The following ADAMTS12 variants were observed in gnomAD, a reference collection of about 807,000 sequenced individuals.
The protein encoded by ADAMTS12 is A disintegrin and metalloproteinase with thrombospondin motifs 12.
Under a neutral mutation model 167.8 loss-of-function variants are expected in ADAMTS12, and 118 were observed. The ratio of observed to expected loss-of-function variants is 0.70; its 90% CI spans 0.61 to 0.82. ADAMTS12 has a LOEUF of 0.82. Ranked by LOEUF, ADAMTS12 falls within the 40% of genes least tolerant of loss-of-function variation. The pLI is 0.00. For missense variants in ADAMTS12, 1,916 were observed against 1,998.8 expected, an observed-to-expected ratio of 0.96 and a Z score of 0.79; for synonymous variants, 704 against 716.9, an observed-to-expected ratio of 0.98 and a Z score of 0.29.
At chr5:33,806,959 G>C (rs1032693369) in intron 2 of ADAMTS12, among the ~76,000 whole-genome samples, 1 of 152,098 alleles carries the variant, frequency 6.6e-6, no homozygotes, top group Admixed American at 6.6e-5. Flanking sequence ...CTGCCTCTAC[G>C]ATAGGTTAAA....
intron 20 of ADAMTS12, among the ~76,000 whole-genome samples, chr5:33,553,550 C>A (rs1003601398): frequency 6.6e-6 from 1 of 152,182 alleles, no homozygotes; most frequent in African/African-American, 2.4e-5. Flanking sequence ...AGAATGAGAT[C>A]ATGTCCTTTG....
chr5:33,546,300 G>A (rs1744981390), intron 21 of ADAMTS12, 98 bp from the exon 22 acceptor site: 1 of 1,151,268 alleles, frequency 8.7e-7, no homozygotes. Flanking sequence ...TATGTACAGT[G>A]TTACTAGGAA....
chr5:33,548,943 C>G (rs1745115951), intron 21 of ADAMTS12, among the ~76,000 whole-genome samples: 1 of 152,200 alleles, frequency 6.6e-6, no homozygotes, highest in Admixed American at 6.5e-5. Flanking sequence ...CCCAGTATAT[C>G]CATTGGGAGA....
rs1249249863 is a variant in ADAMTS12, at chr5:33,637,709, T to C, written c.1756A>G (p.Lys586Glu). Reference sequence around the variant, plus strand: ...TGGACGTTGCACAAGCGATAGCGTTTTCTTTCTCCAGTGCAATATTTCCCT... The same window carrying C: ...TGGACGTTGCACAAGCGATAGCGTTCTCTTTCTCCAGTGCAATATTTCCCT... ...FGGKYCTGER[K>E]RYRLCNVHPC... Residue 586 changes from lysine to glutamate, a missense_variant, in exon 12 of 24, where the codon AAA becomes GAA. Lys to Glu is a moderately conservative substitution (Grantham distance 56). Coordinates refer to ENST00000504830, the MANE Select transcript of ADAMTS12 (RefSeq NM_030955.4). 6.2e-7 allele frequency: 1 copy of C among 1,613,472 alleles called. No homozygotes were observed. Among genetic ancestry groups the C allele is most frequent in the Non-Finnish European group, 8.5e-7 (1 of 1,179,628 alleles).
At chr5:33,766,066 C>T (rs1745518858) in intron 2 of ADAMTS12, among the ~76,000 whole-genome samples, 1 of 152,134 alleles carries the variant, frequency 6.6e-6, no homozygotes, top group African/African-American at 2.4e-5. Flanking sequence ...TCTTCCTGTA[C>T]AGAAGATTTC....
At chr5:33,829,166 T>C (rs1404206523) in intron 2 of ADAMTS12, among the ~76,000 whole-genome samples, 4 of 152,084 alleles carry the variant, frequency 2.6e-5, no homozygotes, top group Admixed American at 1.3e-4. Flanking sequence ...ATGCCAATAA[T>C]GGGAAAAGAA....
intron 6 of ADAMTS12, among the ~76,000 whole-genome samples, 192 bp downstream of exon 6, chr5:33,661,724 C>T (rs1484701160): frequency 2.0e-5 from 3 of 152,150 alleles, no homozygotes; most frequent in South Asian, 4.1e-4. Flanking sequence ...AGAGCTTTGT[C>T]GTATTAGCAA....
At chr5:33,716,879 A>G (rs1743635114) in intron 3 of ADAMTS12, among the ~76,000 whole-genome samples, 1 of 152,096 alleles carries the variant, frequency 6.6e-6, no homozygotes, top group Admixed American at 6.6e-5. Context: ...TTTTCTTCTA[A>G]TTCTACAGTA....
At chr5:33,857,727 G>A (rs10058010) in intron 2 of ADAMTS12, among the ~76,000 whole-genome samples, 2,268 of 152,274 alleles carry the variant, frequency 0.015, 62 homozygotes, top group African/African-American at 0.052. Flanking sequence ...TAAGTTAGAC[G>A]TTAGAGCAAA....
chr5:33,654,319 T>C (rs1740966197), intron 7 of ADAMTS12, among the ~76,000 whole-genome samples: 2 of 152,204 alleles, frequency 1.3e-5, no homozygotes, highest in African/African-American at 4.8e-5. Context: ...TTCATTCAGT[T>C]TGAGATATTC....
In ADAMTS12 at chr5:33,759,230, A is replaced by T. The variant is rs530528169; in HGVS notation, c.490-7682T>A. On this transcript the variant is annotated intron_variant, in intron 2 of 23. Coordinates refer to ENST00000504830, the MANE Select transcript of ADAMTS12 (RefSeq NM_030955.4). ...ACGGAGATTTCTTCAAAGGAATTAGAGCTGAAACCTTCAACAGACTTCATT... is the reference window on the plus strand; with the variant it reads ...ACGGAGATTTCTTCAAAGGAATTAGTGCTGAAACCTTCAACAGACTTCATT... Among the ~76,000 whole-genome samples, 7 of 152,352 alleles carry T rather than the reference A, an allele frequency of 4.6e-5. No homozygotes were observed. The South Asian group carries it at 1.5e-3, about 32-fold the overall frequency.
chr5:33,877,814 G>A (rs891110293), intron 2 of ADAMTS12, among the ~76,000 whole-genome samples: 2 of 152,100 alleles, frequency 1.3e-5, no homozygotes, highest in Non-Finnish European at 2.9e-5. Flanking sequence ...AATCATCTGA[G>A]TCTGCTCCAG....
At chr5:33,776,718 C>T (rs1745922847) in intron 2 of ADAMTS12, among the ~76,000 whole-genome samples, 1 of 151,504 alleles carries the variant, frequency 6.6e-6, no homozygotes, top group Non-Finnish European at 1.5e-5. Flanking sequence ...TAATAAAGAT[C>T]AGAGCAGAGA....
At chr5:33,886,688 A>C (rs1750649476) in intron 1 of ADAMTS12, among the ~76,000 whole-genome samples, 1 of 152,110 alleles carries the variant, frequency 6.6e-6, no homozygotes, top group South Asian at 2.1e-4. Flanking sequence ...GGGCAAAGTG[A>C]TGAGGGATAA....
At chr5:33,797,763 AG>A (rs1746838013) in intron 2 of ADAMTS12, among the ~76,000 whole-genome samples, 1 of 152,242 alleles carries the variant, frequency 6.6e-6, no homozygotes, top group African/African-American at 2.4e-5. Context: ...CTTAAAAAAA[AG>A]TTACTATGAA....
intron 2 of ADAMTS12, among the ~76,000 whole-genome samples, chr5:33,768,856 C>T (rs1406371239): frequency 1.3e-5 from 2 of 151,892 alleles, no homozygotes; most frequent in Non-Finnish European, 2.9e-5. Flanking sequence ...AATAACAGCC[C>T]CCTCAAAAAT....
At chr5:33,737,625 C>G (rs1219928951) in intron 3 of ADAMTS12, among the ~76,000 whole-genome samples, 1 of 152,192 alleles carries the variant, frequency 6.6e-6, no homozygotes, top group East Asian at 1.9e-4. Flanking sequence ...ATATTCTATG[C>G]TTCCAAATAC....
intron 3 of ADAMTS12, among the ~76,000 whole-genome samples, chr5:33,737,218 C>A (rs567203144): frequency 7.2e-5 from 11 of 152,248 alleles, no homozygotes; most frequent in African/African-American, 2.6e-4. Flanking sequence ...TTGACAGGCC[C>A]CTGTAAGATT....
At chr5:33,537,924 C>A (rs1296491178) in intron 22 of ADAMTS12, among the ~76,000 whole-genome samples, 1 of 152,180 alleles carries the variant, frequency 6.6e-6, no homozygotes, top group Non-Finnish European at 1.5e-5. Context: ...TGCACAGGAA[C>A]AAGTTACTTT....
Sources: gnomAD v4.1 joint callset for allele counts (sites outside exome capture counted in the v4.1 genomes callset) on GRCh38, gnomAD v4.1.1 for gene constraint, MANE v1.5 for transcripts, NCBI Gene and HGNC (gene_info 2026-07-23, HGNC 2026-07-21) for gene names.